The following PDE7A variants were observed in gnomAD, a reference collection of about 807,000 sequenced individuals.
PDE7A encodes the protein high affinity 3',5'-cyclic-AMP phosphodiesterase 7A.
Under a neutral mutation model 64.3 loss-of-function variants are expected in PDE7A, and 39 were observed. The observed-to-expected ratio is 0.61, with a 90% CI of 0.47 to 0.79. The LOEUF (loss-of-function observed/expected upper bound fraction) is 0.79. PDE7A is among the 30% of genes least tolerant of loss of function. The pLI is 0.00. For missense variants in PDE7A, 470 were observed against 582.8 expected, an observed-to-expected ratio of 0.81 and a Z score of 1.99; for synonymous variants, 203 against 206.8, an observed-to-expected ratio of 0.98 and a Z score of 0.16.
intron 1 of PDE7A, among the ~76,000 whole-genome samples, chr8:65,804,540 CTTTT>C (rs762379703): frequency 3.5e-5 from 4 of 113,034 alleles, no homozygotes; most frequent in African/African-American, 6.2e-5. Flanking sequence ...CATTTTGTTG[CTTTT>C]TTTTTTTTTT....
chr8:65,719,243 AT>A lies in PDE7A; in HGVS notation c.*46del. On this transcript the variant is annotated 3_prime_UTR_variant, in exon 13 of 13. Coordinates refer to ENST00000401827, the MANE Select transcript of PDE7A (RefSeq NM_001242318.3). ...CTCTCACCTCAAGACCCCATTTCAC[AT>A]TTCTAAAAACCTCCAGGAGGCAGTT... 7.3e-7 allele frequency: 1 copy of A among 1,372,050 alleles called. No homozygotes were observed. The highest frequency in any genetic ancestry group is 1.0e-6 in the Non-Finnish European group (1 of 959,790). 85.0% of individuals were successfully genotyped at this position (1,372,050 alleles called of 1,614,324 possible).
chr8:65,727,143 A>G, intron 8 of PDE7A, 27 bp downstream of exon 8: 1 of 1,338,406 alleles, frequency 7.5e-7, no homozygotes, highest in East Asian at 2.3e-5. Flanking sequence ...CAAAAATAAT[A>G]AATCTTGATG....
At chr8:65,838,998 T>G (rs1043476436) in intron 1 of PDE7A, among the ~76,000 whole-genome samples, 1 of 152,220 alleles carries the variant, frequency 6.6e-6, no homozygotes, top group Admixed American at 6.5e-5. Context: ...TAAATGAATT[T>G]GTGCTGTACC....
At chr8:65,777,765 G>A (rs1229275029) in intron 3 of PDE7A, among the ~76,000 whole-genome samples, 2 of 152,008 alleles carry the variant, frequency 1.3e-5, no homozygotes, top group Non-Finnish European at 2.9e-5. Context: ...TCTGTTTCTG[G>A]CAATCTCATA....
chr8:65,747,163 C>T (rs749347913), intron 4 of PDE7A, among the ~76,000 whole-genome samples: 11 of 152,080 alleles, frequency 7.2e-5, no homozygotes, highest in East Asian at 1.9e-4. Context: ...CTGAAAGTCA[C>T]GAGACCTTTG....
chr8:65,730,193 T>TTTTTTTTTTC (rs1321443430), intron 7 of PDE7A, among the ~76,000 whole-genome samples: 51 of 137,058 alleles, frequency 3.7e-4, no homozygotes, highest in African/African-American at 1.4e-3. Flanking sequence ...TTTTTTTTTT[T>TTTTTTTTTTC]TTTTGAGATG....
At chr8:65,840,358 T>C (rs893016444) in intron 1 of PDE7A, among the ~76,000 whole-genome samples, 3 of 151,512 alleles carry the variant, frequency 2.0e-5, no homozygotes, top group East Asian at 1.9e-4. Flanking sequence ...TAGACACTTA[T>C]TACACGCAAA....
At position 65,725,166 on chromosome 8, in the gene PDE7A, G is replaced by C. The variant is rs377230571; in HGVS notation, c.921-245C>G. On this transcript the variant is annotated intron_variant, in intron 9 of 12. Transcript: ENST00000401827. ...CCAATATGCAAACATTCCAAAAGGA[G>C]AGCCTTTATTTTGCCAGCCAAGGTG... 8.9e-4 allele frequency: 257 copies of C among 289,282 alleles called. 5 individuals are homozygous for C. The South Asian group carries it at 0.024, about 27-fold the overall frequency. The allele number at this position is 289,282 out of a possible 1,614,324, so 17.9% of individuals were successfully genotyped here.
At chr8:65,838,654 G>T (rs1811006828) in intron 1 of PDE7A, 2 of 152,176 alleles carry the variant, frequency 1.3e-5, no homozygotes. Flanking sequence ...ACATTATTCT[G>T]ACTAAAAATT....
At chr8:65,791,389 C>A (rs1378215821) in intron 1 of PDE7A, among the ~76,000 whole-genome samples, 1 of 152,190 alleles carries the variant, frequency 6.6e-6, no homozygotes, top group Non-Finnish European at 1.5e-5. Flanking sequence ...AGTGGACTCT[C>A]AACAAATTTT....
Position 65,841,998 on chromosome 8 carries a change from T to C in PDE7A, c.-490A>G. 4.4e-6 allele frequency: 1 copy of C among 226,716 alleles called. No homozygotes were observed. The highest frequency in any genetic ancestry group is 4.4e-5 in the South Asian group (1 of 22,954). The allele number at this position is 226,716 out of a possible 1,614,324, so 14.0% of individuals were successfully genotyped here. A position where few individuals can be genotyped will look rare whatever the true frequency, so the allele number is the denominator to read the frequency against. ...GCCGCCGCCGCCGCCGCCGCCGGAGTCCTGCTCCTCCCCTCCCCCGGAGCC... is the reference window on the plus strand; with the variant it reads ...GCCGCCGCCGCCGCCGCCGCCGGAGCCCTGCTCCTCCCCTCCCCCGGAGCC... On this transcript the variant is annotated 5_prime_UTR_variant, in exon 1 of 13. Coordinates refer to ENST00000401827, the MANE Select transcript of PDE7A (RefSeq NM_001242318.3).
chr8:65,799,913 C>T lies in PDE7A; in HGVS notation c.139-17070G>A, dbSNP rs545502399. 1.2e-4 allele frequency among the ~76,000 whole-genome samples: 19 copies of T among 152,312 alleles called. 1 individual carries two copies. In the South Asian group the frequency reaches 3.5e-3, roughly 28 times the overall value. On this transcript the variant is annotated intron_variant, in intron 1 of 12. Coordinates refer to ENST00000401827, the MANE Select transcript of PDE7A (RefSeq NM_001242318.3). ...ACTAAATAGCAGCCCCTGAAGATAG[C>T]TGTTTTTTGAGACAGAGCAGGGACT...
At chr8:65,775,445 G>A (rs924588107) in intron 3 of PDE7A, among the ~76,000 whole-genome samples, 26 of 152,292 alleles carry the variant, frequency 1.7e-4, no homozygotes, top group African/African-American at 5.8e-4. Context: ...TGCATTAGCT[G>A]AATTTCATAG....
chr8:65,730,270 T>C (rs1416436031), intron 7 of PDE7A, among the ~76,000 whole-genome samples: 3 of 129,190 alleles, frequency 2.3e-5, no homozygotes, highest in Non-Finnish European at 3.1e-5. Flanking sequence ...AACCTCCACC[T>C]CCCGGGTTTA....
chr8:65,776,585 A>G (rs1809266428), intron 3 of PDE7A, among the ~76,000 whole-genome samples: 1 of 152,124 alleles, frequency 6.6e-6, no homozygotes, highest in Non-Finnish European at 1.5e-5. Context: ...TTTCTATGTA[A>G]TCACTTACAG....
intron 3 of PDE7A, among the ~76,000 whole-genome samples, chr8:65,768,331 C>T (rs566710808): frequency 6.6e-6 from 1 of 152,258 alleles, no homozygotes; most frequent in South Asian, 2.1e-4. Flanking sequence ...TTGTAACTCC[C>T]ACAATTCCCA....
rs779560729 is a variant in PDE7A at position 65,719,342 on chromosome 8, G to T, written c.1397C>A (p.Ala466Asp). The change falls in exon 13 of 13, where the codon GCT (alanine) becomes GAT (aspartate). Residue 466 changes from alanine to aspartate, a missense_variant. Physicochemically the swap from Ala to Asp is moderately radical, Grantham distance 126 (BLOSUM62 -2). Coordinates refer to ENST00000401827, the MANE Select transcript of PDE7A (RefSeq NM_001242318.3). The stretch of plus-strand genomic sequence containing the variant: ...TAACTGTGAGTTCAACTCAAATGCA[G>T]CATCAGTGTCCTCACTGCTCGACTG... The part of the protein sequence containing the change: ...REQSSSEDTD[A>D]AFELNSQLLP... The T allele has an allele frequency of 1.4e-5, 22 of 1,614,064 alleles. No homozygotes were observed. The South Asian group carries it at 2.2e-4, about 16-fold the overall frequency.
intron 7 of PDE7A, chr8:65,731,657 C>T (rs1048635046): frequency 6.6e-6 from 1 of 152,084 alleles, no homozygotes; most frequent in African/African-American, 2.4e-5. Flanking sequence ...AATAAATACT[C>T]AAGTTAGTGA....
At chr8:65,836,735 T>C (rs903730780) in intron 1 of PDE7A, among the ~76,000 whole-genome samples, 4 of 152,236 alleles carry the variant, frequency 2.6e-5, no homozygotes, top group African/African-American at 9.6e-5. Flanking sequence ...TATGTAGCTA[T>C]TTAAATAAAA....
Sources: allele counts gnomAD v4.1 joint callset (sites outside exome capture counted in the v4.1 genomes callset), GRCh38; gene constraint gnomAD v4.1.1; transcripts MANE v1.5; gene names NCBI Gene and HGNC (gene_info 2026-07-23, HGNC 2026-07-21).